The following LONP1 variants were observed in gnomAD, a reference collection of about 807,000 sequenced individuals.
LONP1 encodes the protein lon peptidase 1, mitochondrial.
Under a neutral mutation model 98.5 loss-of-function variants are expected in LONP1, and 31 were observed. The ratio of observed to expected loss-of-function variants is 0.31; its 90% CI spans 0.24 to 0.42. The LOEUF is 0.42. LONP1 is among the 20% of genes least tolerant of loss of function. The pLI is 1.00. For synonymous variants in LONP1, 781 were observed against 594.7 expected, an observed-to-expected ratio of 1.31 and a Z score of -4.56; for missense variants, 1,336 against 1,350.6, an observed-to-expected ratio of 0.99 and a Z score of 0.17.
At chr19:5,698,559 G>A (rs973567832) in intron 10 of LONP1, among the ~76,000 whole-genome samples, 14 of 152,316 alleles carry the variant, frequency 9.2e-5, no homozygotes, top group African/African-American at 3.1e-4. Context: ...AGGCGCCAAG[G>A]TTTCTCTGGT....
rs1197090484 is a variant in LONP1, at chr19:5,696,488, G to T, written c.1774-117C>A. On this transcript the variant is annotated intron_variant, in intron 11 of 17. Coordinates refer to ENST00000360614, the MANE Select transcript of LONP1 (RefSeq NM_004793.4). ...CGAGTGAGAGCGGCACCCACACCCTGCCTTGGACGGGCAGCCTGCTGGGCG... is the reference window on the plus strand; with the variant it reads ...CGAGTGAGAGCGGCACCCACACCCTTCCTTGGACGGGCAGCCTGCTGGGCG... 2.1e-6 allele frequency: 3 copies of T among 1,421,884 alleles called. No homozygotes were observed. The East Asian group carries it at 7.0e-5, about 33-fold the overall frequency. 88.1% of individuals were successfully genotyped at this position (1,421,884 alleles called of 1,614,324 possible). A position where few individuals can be genotyped will look rare whatever the true frequency, so the allele number is the denominator to read the frequency against.
chr19:5,716,552 A>G (rs1392086163), intron 1 of LONP1, among the ~76,000 whole-genome samples: 2 of 150,450 alleles, frequency 1.3e-5, no homozygotes, highest in East Asian at 2.0e-4. Context: ...CTATAGATAC[A>G]TAATTTTTTT....
At position 5,694,565 on chromosome 19, in the gene LONP1, G is replaced by A; in HGVS notation, c.2155-13C>T. ...ATTTCCGTAACACCTGGGCGGTCAG[G>A]GCAACACAATGGGCACGGGAAGGTG... On this transcript the variant is annotated splice_polypyrimidine_tract_variant and intron_variant, in intron 14 of 17. Transcript: ENST00000360614. 1 of 1,611,316 alleles carries A rather than the reference G, an allele frequency of 6.2e-7. No homozygotes were observed. The highest frequency in any genetic ancestry group is 8.5e-7 in the Non-Finnish European group (1 of 1,178,834).
intron 1 of LONP1, chr19:5,715,180 G>C (rs928835713): frequency 6.6e-6 from 1 of 151,970 alleles, no homozygotes; most frequent in Non-Finnish European, 1.5e-5. Context: ...TAGACGAATG[G>C]TCAGAACCCA....
chr19:5,694,418 G>T lies in LONP1; in HGVS notation c.2289C>A (p.Gly763=). 6.2e-7 allele frequency: 1 copy of T among 1,613,478 alleles called. No homozygotes were observed. Among genetic ancestry groups the T allele is most frequent in the Non-Finnish European group, 8.5e-7 (1 of 1,180,002 alleles). Residue 763 remains glycine, a synonymous_variant, in exon 15 of 18, where the codon GGC becomes GGA. Coordinates refer to ENST00000360614, the MANE Select transcript of LONP1 (RefSeq NM_004793.4). ...CGGTCCAGGCCAGCCCCATGACCAC[G>T]CCGGGCGGTGTCACGTCATACATGC... is the stretch of plus-strand genomic sequence containing the variant. ...VERMYDVTPP[G]VVMGLAWTAM...
intron 17 of LONP1, 29 bp from the exon 18 acceptor site, chr19:5,692,237 C>T (rs1416517142): frequency 1.9e-6 from 3 of 1,587,746 alleles, no homozygotes; most frequent in East Asian, 4.5e-5. Flanking sequence ...TCAGCCCTGC[C>T]TGGGCCTGTG....
At chr19:5,716,300 A>ATATATATATATATATATATATG (rs1568329236) in intron 1 of LONP1, among the ~76,000 whole-genome samples, 1 of 118,658 alleles carries the variant, frequency 8.4e-6, no homozygotes, top group Non-Finnish European at 1.7e-5. Context: ...ATATATATAT[A>ATATATATATATATATATATATG]GTAATGGCCC....
intron 8 of LONP1, among the ~76,000 whole-genome samples, chr19:5,704,896 C>G (rs1038020244): frequency 1.3e-5 from 2 of 152,258 alleles, no homozygotes; most frequent in African/African-American, 4.8e-5. Flanking sequence ...CGTGGTGGCT[C>G]ATGCCTGTAA....
chr19:5,696,102 C>A lies in LONP1; in HGVS notation c.1965G>T (p.Met655Ile). The change falls in exon 13 of 18, where the codon ATG becomes ATT. Residue 655 changes from methionine to isoleucine, a missense_variant. Physicochemically the swap from Met to Ile is conservative, Grantham distance 10 (BLOSUM62 1). Transcript: ENST00000360614. Reference protein sequence around the residue: ...IPEPLRDRMEMINVSGYVAQE... With the variant: ...IPEPLRDRMEIINVSGYVAQE... Reference sequence around the variant, plus strand: ...GGGCCACGTAGCCCGACACGTTGATCATCTCCATACGGTCTCGCAGCGGCT... The same window carrying A: ...GGGCCACGTAGCCCGACACGTTGATAATCTCCATACGGTCTCGCAGCGGCT... The A allele has an allele frequency of 6.2e-7, 1 of 1,613,130 alleles. No homozygotes were observed. The highest frequency in any genetic ancestry group is 1.1e-5 in the South Asian group (1 of 91,086).
At chr19:5,695,330 G>A (rs2145581203) in intron 13 of LONP1, among the ~76,000 whole-genome samples, 1 of 152,180 alleles carries the variant, frequency 6.6e-6, no homozygotes, top group South Asian at 2.1e-4. Context: ...GAGCTCTAAT[G>A]GCATGGGGGA....
chr19:5,716,856 C>A (rs2055332890), intron 1 of LONP1, among the ~76,000 whole-genome samples: 1 of 152,122 alleles, frequency 6.6e-6, no homozygotes, highest in Non-Finnish European at 1.5e-5. Context: ...CGCAGTGGAG[C>A]GATCTCAGCT....
intron 10 of LONP1, among the ~76,000 whole-genome samples, chr19:5,697,535 G>GA (rs1358523090): frequency 1.5e-5 from 2 of 135,402 alleles, no homozygotes; most frequent in Non-Finnish European, 3.2e-5. Flanking sequence ...AGGAGAGGGG[G>GA]AAGAGGGAGG....
Position 5,692,104 on chromosome 19 carries a change from C to T in LONP1, c.2808G>A (p.Val936=). The T allele has an allele frequency of 6.2e-7, 1 of 1,604,012 alleles. No individual in the cohort carries two copies. Among genetic ancestry groups the T allele is most frequent in the Non-Finnish European group, 8.5e-7 (1 of 1,173,530 alleles). ...FITEGLEVHF[V]EHYREIFDIA... ...TGTCGAAGATCTCCCGGTAGTGTTCCACGAAGTGCACCTCCAGGCCCTCGG... is the reference window on the plus strand; with the variant it reads ...TGTCGAAGATCTCCCGGTAGTGTTCTACGAAGTGCACCTCCAGGCCCTCGG... Residue 936 remains valine, a synonymous_variant, in exon 18 of 18, where the codon GTG becomes GTA. Coordinates refer to ENST00000360614, the MANE Select transcript of LONP1 (RefSeq NM_004793.4).
intron 1 of LONP1, among the ~76,000 whole-genome samples, chr19:5,715,276 A>G (rs1375037236): frequency 6.6e-6 from 1 of 151,952 alleles, no homozygotes; most frequent in Non-Finnish European, 1.5e-5. Context: ...GCTTTTATTA[A>G]TGTCAGAATA....
chr19:5,709,888 G>A (rs1221275472), intron 4 of LONP1, among the ~76,000 whole-genome samples: 1 of 138,834 alleles, frequency 7.2e-6, no homozygotes, highest in East Asian at 2.1e-4. Flanking sequence ...CTCCAGCCTG[G>A]GCGACAGAGG....
intron 1 of LONP1, among the ~76,000 whole-genome samples, chr19:5,716,820 G>C (rs1011200403): frequency 5.9e-5 from 9 of 152,168 alleles, no homozygotes; most frequent in African/African-American, 2.2e-4. Context: ...TTAAGACAGA[G>C]TCTTGCTCTG....
intron 16 of LONP1, 35 bp downstream of exon 16, chr19:5,693,517 G>A: frequency 6.2e-7 from 1 of 1,613,252 alleles, no homozygotes; most frequent in Non-Finnish European, 8.5e-7. Context: ...CCCAGGGACT[G>A]GGCGGGAGCA....
At chr19:5,719,624 G>C in intron 1 of LONP1, 80 bp downstream of exon 1, 2 of 1,605,208 alleles carry the variant, frequency 1.2e-6, no homozygotes, top group South Asian at 1.1e-5. Context: ...CGAAACACAA[G>C]GGCGCTCAAG....
intron 1 of LONP1, 76 bp downstream of exon 1, chr19:5,719,628 G>C (rs2055393462): frequency 6.2e-7 from 1 of 1,607,400 alleles, no homozygotes. Context: ...ACACAAGGGC[G>C]CTCAAGTGAT....
Sources: allele counts gnomAD v4.1 joint callset (sites outside exome capture counted in the v4.1 genomes callset), GRCh38; gene constraint gnomAD v4.1.1; transcripts MANE v1.5; gene names NCBI Gene and HGNC (gene_info 2026-07-23, HGNC 2026-07-21).